The following ABCA10 variants were observed in gnomAD, a reference collection of about 807,000 sequenced individuals.
ABCA10 encodes the protein ATP-binding cassette sub-family A member 10.
Under a neutral mutation model 187.5 loss-of-function variants are expected in ABCA10, and 169 were observed. That is an observed-to-expected ratio of 0.90 (90% confidence interval 0.80 to 1.02). The LOEUF is 1.02. Ranked by LOEUF, ABCA10 falls within the 50% of genes least tolerant of loss-of-function variation. ABCA10 has a pLI of 0.00. For missense variants in ABCA10, 1,727 were observed against 1,812.4 expected (o/e 0.95, Z 0.86); for synonymous variants, 574 against 601.8 (o/e 0.95, Z 0.68).
intron 7 of ABCA10, 71 bp downstream of exon 7, chr17:69,216,146 A>G (rs1436972363): frequency 6.4e-7 from 1 of 1,551,496 alleles, no homozygotes. Context: ...TAATATCCCA[A>G]AGAAACATTA....
chr17:69,205,284 T>C (rs1050228698), intron 9 of ABCA10, among the ~76,000 whole-genome samples: 2 of 152,258 alleles, frequency 1.3e-5, no homozygotes, highest in Non-Finnish European at 2.9e-5. Context: ...CAAATATTTA[T>C]TGAGAGCCTC....
At chr17:69,169,598 A>C (rs1224082845) in intron 25 of ABCA10, among the ~76,000 whole-genome samples, 1 of 152,244 alleles carries the variant, frequency 6.6e-6, no homozygotes, top group Non-Finnish European at 1.5e-5. Flanking sequence ...TGCTCTCTCA[A>C]ATAAAGCTAC....
intron 19 of ABCA10, among the ~76,000 whole-genome samples, 178 bp from the exon 20 acceptor site, chr17:69,185,821 C>G (rs2074417174): frequency 6.6e-6 from 1 of 152,098 alleles, no homozygotes; most frequent in Non-Finnish European, 1.5e-5. Context: ...AAATTACATA[C>G]TTTGTATCAC....
intron 3 of ABCA10, 90 bp downstream of exon 3, chr17:69,225,235 C>A: frequency 1.4e-6 from 2 of 1,429,672 alleles, no homozygotes; most frequent in Non-Finnish European, 2.0e-6. Context: ...GAATCACTGA[C>A]ACACAGGCTA....
chr17:69,187,375 C>T (rs767752338), intron 19 of ABCA10, among the ~76,000 whole-genome samples: 81 of 152,266 alleles, frequency 5.3e-4, no homozygotes, highest in Admixed American at 1.0e-3. Flanking sequence ...CCAGGACCCA[C>T]CCCCTAAACC....
At chr17:69,234,769 G>C (rs1474417812) in intron 1 of ABCA10, 1 of 152,154 alleles carries the variant, frequency 6.6e-6, no homozygotes, top group African/African-American at 2.4e-5. Context: ...TACAAAATTT[G>C]CATAGAGCAA....
rs909853607 is a variant in ABCA10 at position 69,216,747 on chromosome 17, A to G, written c.531-389T>C. Reference sequence around the variant, plus strand: ...CTATATAAAATGTCAGTGGAAAAACAACGACAATCTCCCCTTTAAACTTCC... The same window carrying G: ...CTATATAAAATGTCAGTGGAAAAACGACGACAATCTCCCCTTTAAACTTCC... On this transcript the variant is annotated intron_variant, in intron 6 of 38. Coordinates refer to ENST00000690296, the MANE Select transcript of ABCA10 (RefSeq NM_001377321.1). 2.8e-4 allele frequency among the ~76,000 whole-genome samples: 43 copies of G among 151,360 alleles called. 1 individual carries two copies. Among genetic ancestry groups the G allele is most frequent in the African/African-American group, 7.0e-4 (29 of 41,420 alleles).
At chr17:69,163,979 T>C in intron 27 of ABCA10, 95 bp downstream of exon 27, 3 of 929,578 alleles carry the variant, frequency 3.2e-6, no homozygotes, top group Non-Finnish European at 3.1e-6. Context: ...AGAGTGGGTA[T>C]TTTAAGACAT....
At chr17:69,160,346 C>A (rs1013264882) in intron 27 of ABCA10, among the ~76,000 whole-genome samples, 2 of 152,138 alleles carry the variant, frequency 1.3e-5, no homozygotes, top group African/African-American at 4.8e-5. Context: ...CGGTGGCTCA[C>A]GCCTGCAATC....
intron 1 of ABCA10, among the ~76,000 whole-genome samples, chr17:69,240,089 A>T (rs1229540186): frequency 6.6e-6 from 1 of 152,010 alleles, no homozygotes; most frequent in Non-Finnish European, 1.5e-5. Context: ...CCAGAAGAGT[A>T]CTCTGAATAA....
intron 27 of ABCA10, among the ~76,000 whole-genome samples, chr17:69,162,618 CTTTTT>C (rs2144764017): frequency 1.3e-5 from 2 of 152,108 alleles, no homozygotes; most frequent in South Asian, 4.2e-4. Flanking sequence ...CTTCTGAATT[CTTTTT>C]GTTTCCTAAT....
Position 69,210,865 on chromosome 17 carries a change from T to TATATATATATATATATATATATATATA in ABCA10, c.1006+3838_1006+3839insTATATATATATATATATATATATATAT, listed in dbSNP as rs1555662878. On this transcript the variant is annotated intron_variant, in intron 9 of 38. Coordinates refer to ENST00000690296, the MANE Select transcript of ABCA10 (RefSeq NM_001377321.1). Reference sequence around the variant, plus strand: ...TATGCCACATATATATATATATATATGCCATATTTCCTTTACCCACTCATT... The same window carrying TATATATATATATATATATATATATATA: ...TATGCCACATATATATATATATATATATATATATATATATATATATATATATAGCCATATTTCCTTTACCCACTCATT... 1.3e-4 allele frequency among the ~76,000 whole-genome samples: 19 copies of TATATATATATATATATATATATATATA among 145,544 alleles called. 1 individual carries two copies. Among genetic ancestry groups the TATATATATATATATATATATATATATA allele is most frequent in the African/African-American group, 3.8e-4 (14 of 36,990 alleles).
chr17:69,238,949 T>C lies in ABCA10; in HGVS notation c.-593+5580A>G, dbSNP rs141328720. ...CATTTGGCCCCTACAGATGCAATGT[T>C]CTATTAAATATCTCCATAACTGTGG... On this transcript the variant is annotated intron_variant, in intron 1 of 39. Transcript: ENST00000269081. 4.8e-4 allele frequency among the ~76,000 whole-genome samples: 73 copies of C among 152,346 alleles called. 1 individual carries two copies. The East Asian group carries it at 0.012, about 26-fold the overall frequency.
upstream of ABCA10, among the ~76,000 whole-genome samples, chr17:69,229,403 G>T (rs2074816337): frequency 6.6e-6 from 1 of 151,996 alleles, no homozygotes. Context: ...CATTTAAAAA[G>T]TGTAGTGGTA....
At chr17:69,211,535 A>G (rs1252681742) in intron 9 of ABCA10, among the ~76,000 whole-genome samples, 1 of 151,528 alleles carries the variant, frequency 6.6e-6, no homozygotes, top group Non-Finnish European at 1.5e-5. Flanking sequence ...TATCTTTTGA[A>G]ATAGTGTCAA....
intron 27 of ABCA10, among the ~76,000 whole-genome samples, chr17:69,158,374 A>G (rs1368987920): frequency 6.6e-6 from 1 of 152,048 alleles, no homozygotes; most frequent in Non-Finnish European, 1.5e-5. Context: ...GGAAATAAGA[A>G]AATTCAGTAA....
rs1409349652 is a variant in ABCA10, at chr17:69,149,067, T to C, written c.4499A>G (p.Glu1500Gly). The C allele has an allele frequency of 1.2e-6, 2 of 1,614,020 alleles. No individual in the cohort carries two copies. Among genetic ancestry groups the C allele is most frequent in the Non-Finnish European group, 1.7e-6 (2 of 1,179,894 alleles). ...LEAMKQTFNL[E>G]EYSLSQATLE... is the part of the protein sequence containing the mutation. ...GGTAGCCTGAGAGAGGCTGTATTCC[T>C]CCAGGTTGAAGGTCTGTTTCACTGC... The change falls in exon 38 of 39, where the codon GAG (glutamate) becomes GGG (glycine). Residue 1500 changes from glutamate to glycine, a missense_variant. Transcript: ENST00000690296.
chr17:69,160,113 C>A (rs1240590725), intron 27 of ABCA10, among the ~76,000 whole-genome samples: 1 of 152,066 alleles, frequency 6.6e-6, no homozygotes, highest in Non-Finnish European at 1.5e-5. Context: ...AACAACAAAA[C>A]CAAAAATAGA....
At chr17:69,154,801 G>A (rs577859223) in intron 30 of ABCA10, among the ~76,000 whole-genome samples, 92 of 152,034 alleles carry the variant, frequency 6.1e-4, no homozygotes, top group Non-Finnish European at 1.1e-3. Context: ...AGAGAATCAG[G>A]GTCTTCTTAA....
Sources: gnomAD v4.1 joint callset for allele counts (sites outside exome capture counted in the v4.1 genomes callset) on GRCh38, gnomAD v4.1.1 for gene constraint, MANE v1.5 for transcripts, NCBI Gene and HGNC (gene_info 2026-07-23, HGNC 2026-07-21) for gene names.